DPF3: variants seen among roughly 807,000 people sequenced by gnomAD.
DPF3 encodes double PHD fingers 3.
In DPF3, 18 loss-of-function variants were observed where a neutral mutation model predicts 56.8. The observed-to-expected ratio is 0.32, with a 90% confidence interval of 0.22 to 0.47. The LOEUF (loss-of-function observed/expected upper bound fraction) is 0.47, where lower values mean the gene tolerates loss of function less well. Ranked by LOEUF, DPF3 falls within the 20% of genes least tolerant of loss-of-function variation. The probability of loss-of-function intolerance (pLI) is 1.00; values close to 1 mark genes in which losing one functional copy is unlikely to be tolerated. For missense variants in DPF3, 403 were observed against 488.8 expected (o/e 0.82, Z 1.65); for synonymous variants, 188 against 180.2 (o/e 1.04, Z -0.35).
chr14:72,821,496 G>C (rs1250850903), intron 1 of DPF3, among the ~76,000 whole-genome samples: 1 of 151,098 alleles, frequency 6.6e-6, no homozygotes, highest in Non-Finnish European at 1.5e-5. Context: ...AAGCCACTAG[G>C]TTGAGTAAAC....
chr14:72,879,594 C>T (rs1475348521), intron 1 of DPF3, among the ~76,000 whole-genome samples: 1 of 152,106 alleles, frequency 6.6e-6, no homozygotes, highest in Non-Finnish European at 1.5e-5. Flanking sequence ...CAGAAGATGA[C>T]AGATGTGCAT....
Position 72,753,248 on chromosome 14 carries a change from T to C in DPF3, c.301+16A>G. On this transcript the variant is annotated intron_variant, in intron 3 of 10. Transcript: ENST00000556509. The stretch of plus-strand genomic sequence containing the variant: ...TTTCCCATCACAGACCCAGCCAAGC[T>C]CCAGAGGGCACTGACCAGGTTTTAT... The C allele has an allele frequency of 6.2e-7, 1 of 1,611,932 alleles. No homozygotes were observed.
At chr14:72,728,724 T>C (rs893175171) in intron 4 of DPF3, among the ~76,000 whole-genome samples, 4 of 152,036 alleles carry the variant, frequency 2.6e-5, no homozygotes, top group African/African-American at 7.2e-5. Context: ...TGGGTGCTTA[T>C]GAGATATAAG....
chr14:72,816,144 A>G (rs1883273888), intron 1 of DPF3, among the ~76,000 whole-genome samples: 1 of 152,148 alleles, frequency 6.6e-6, no homozygotes, highest in Non-Finnish European at 1.5e-5. Context: ...TTGACCGTGG[A>G]TAGTCATCTC....
At chr14:72,694,310 AC>A (rs1441229823) in intron 6 of DPF3, among the ~76,000 whole-genome samples, 5 of 118,842 alleles carry the variant, frequency 4.2e-5, no homozygotes, top group Non-Finnish European at 7.0e-5. Context: ...ATCAGAGCAA[AC>A]CAACCTGCTC....
rs750339317 is a variant in DPF3, at chr14:72,731,789, C to A, written c.429+18G>T. 1 of 1,612,920 alleles carries A rather than the reference C, an allele frequency of 6.2e-7. No individual in the cohort carries two copies. The highest frequency in any genetic ancestry group is 1.3e-5 in the African/African-American group (1 of 74,902). ...TGACAGGAACACTCTGTGGGGTCCCCAGCAGGTGTGGGAATACCTGTATTT... is the reference window on the plus strand; with the variant it reads ...TGACAGGAACACTCTGTGGGGTCCCAAGCAGGTGTGGGAATACCTGTATTT... On this transcript the variant is annotated intron_variant, in intron 4 of 10. Coordinates refer to ENST00000556509, the MANE Select transcript of DPF3 (RefSeq NM_001280542.3).
intron 1 of DPF3, among the ~76,000 whole-genome samples, chr14:72,825,254 T>A (rs1167627888): frequency 6.6e-6 from 1 of 152,200 alleles, no homozygotes; most frequent in Non-Finnish European, 1.5e-5. Flanking sequence ...AAGAACTAGA[T>A]CTTATACATC....
intron 4 of DPF3, among the ~76,000 whole-genome samples, chr14:72,724,567 G>A (rs1889315391): frequency 6.6e-6 from 1 of 152,084 alleles, no homozygotes; most frequent in South Asian, 2.1e-4. Flanking sequence ...AGGAAGGAAG[G>A]AGGTAGGATG....
chr14:72,874,410 C>T (rs1236545897), intron 1 of DPF3, among the ~76,000 whole-genome samples: 1 of 151,362 alleles, frequency 6.6e-6, no homozygotes, highest in Non-Finnish European at 1.5e-5. Flanking sequence ...ACCCAGGAGG[C>T]AGAGGTTGTG....
At position 72,893,818 on chromosome 14, in the gene DPF3, T is replaced by C. The variant is rs577586591; in HGVS notation, c.32+239A>G. ...TGCAACCCCTATATCTGGCTCTCTC[T>C]GCAATTTAGCAGAACACAAATGTAA... On this transcript the variant is annotated intron_variant, in intron 1 of 10. Transcript: ENST00000556509. Among the ~76,000 whole-genome samples the C allele has an allele frequency of 9.7e-4, 147 of 152,330 alleles. 1 individual carries two copies. Among genetic ancestry groups the C allele is most frequent in the East Asian group, 9.7e-4 (5 of 5,178 alleles).
intron 8 of DPF3, among the ~76,000 whole-genome samples, chr14:72,653,832 T>C (rs1425581020): frequency 6.6e-6 from 1 of 152,166 alleles, no homozygotes; most frequent in Non-Finnish European, 1.5e-5. Context: ...GAAATGCCCA[T>C]GGAATTGACA....
At chr14:72,748,177 G>A (rs1288898152) in intron 3 of DPF3, among the ~76,000 whole-genome samples, 3 of 152,234 alleles carry the variant, frequency 2.0e-5, no homozygotes, top group African/African-American at 7.2e-5. Context: ...TGCTGATAGT[G>A]ATATGGACAA....
intron 2 of DPF3, among the ~76,000 whole-genome samples, chr14:72,771,329 A>T (rs1012444993): frequency 6.6e-6 from 1 of 152,170 alleles, no homozygotes; most frequent in African/African-American, 2.4e-5. Context: ...ACAGATGAGG[A>T]ACCTGAGGGA....
rs74062313 is a variant in DPF3 at position 72,619,162 on chromosome 14, T to C, written c.*135A>G. The C allele has an allele frequency of 6.7e-3, 5,721 of 852,846 alleles. 230 individuals are homozygous for C. In the African/African-American group the frequency reaches 0.085, roughly 13 times the overall value. 52.8% of individuals were successfully genotyped at this position (852,846 alleles called of 1,614,324 possible). ...TGCCTCACCCTCTTCGTTCCATGTG[T>C]CCCTGCCCCTCTGGGACTATTTCTT... On this transcript the variant is annotated 3_prime_UTR_variant, in exon 11 of 11. Transcript: ENST00000556509.
At chr14:72,813,044 G>C (rs1015454662) in intron 1 of DPF3, among the ~76,000 whole-genome samples, 3 of 152,084 alleles carry the variant, frequency 2.0e-5, no homozygotes, top group Non-Finnish European at 1.5e-5. Flanking sequence ...CTTGCTTTTC[G>C]GGGGCTCCTT....
chr14:72,714,296 G>T, intron 6 of DPF3, 127 bp downstream of exon 6: 1 of 1,193,370 alleles, frequency 8.4e-7, no homozygotes, highest in Non-Finnish European at 1.2e-6. Flanking sequence ...GTAAGCTGGG[G>T]TGCAGACAGA....
At chr14:72,695,272 C>T (rs1887854821) in intron 6 of DPF3, among the ~76,000 whole-genome samples, 2 of 152,136 alleles carry the variant, frequency 1.3e-5, no homozygotes, top group African/African-American at 4.8e-5. Context: ...TCTCTCAATA[C>T]CCAGCACATA....
chr14:72,640,561 G>C (rs992379144), intron 8 of DPF3, among the ~76,000 whole-genome samples: 3 of 152,198 alleles, frequency 2.0e-5, no homozygotes, highest in Non-Finnish European at 2.9e-5. Context: ...GGGATGAAAG[G>C]AGGAAACATT....
At chr14:72,772,958 G>A (rs900576277) in intron 1 of DPF3, among the ~76,000 whole-genome samples, 1 of 152,016 alleles carries the variant, frequency 6.6e-6, no homozygotes, top group East Asian at 1.9e-4. Context: ...AGTTCACAGG[G>A]GCAAAAGGGA....
Sources: allele counts gnomAD v4.1 joint callset (sites outside exome capture counted in the v4.1 genomes callset), GRCh38; gene constraint gnomAD v4.1.1; transcripts MANE v1.5; gene names NCBI Gene and HGNC (gene_info 2026-07-23, HGNC 2026-07-21).